The following DKK3 variants were observed in gnomAD, a reference collection of about 807,000 sequenced individuals.
DKK3 encodes dickkopf-related protein 3.
Under a neutral mutation model 33.2 loss-of-function variants are expected in DKK3, and 22 were observed. The ratio of observed to expected loss-of-function variants is 0.66; its 90% CI spans 0.47 to 0.95. The LOEUF (loss-of-function observed/expected upper bound fraction) is 0.95. DKK3 is among the 40% of genes least tolerant of loss of function. The probability of loss-of-function intolerance (pLI) is 0.00; values close to 1 mark genes in which losing one functional copy is unlikely to be tolerated. For missense variants in DKK3, 398 were observed against 458.4 expected, an observed-to-expected ratio of 0.87 and a Z score of 1.20; for synonymous variants, 194 against 188.8, an observed-to-expected ratio of 1.03 and a Z score of -0.23.
Position 12,002,340 on chromosome 11 carries a change from A to G in DKK3, c.311T>C (p.Val104Ala). ...YHNETNTDTK[V>A]GNNTIHVHRE... ...GTGCACATGGATGGTATTATTTCCA[A>G]CCTTCGTGTCTGTGTTGGTCTCATT... is the stretch of plus-strand genomic sequence containing the variant. The change falls in exon 2 of 7, where the codon GTT becomes GCT. Residue 104 changes from valine (V) to alanine (A), a missense_variant. Val to Ala is a moderately conservative substitution (Grantham distance 64, BLOSUM62 0). Transcript: ENST00000683431. 1 of 1,613,832 alleles carries G rather than the reference A, an allele frequency of 6.2e-7. No individual in the cohort carries two copies. Among genetic ancestry groups the G allele is most frequent in the South Asian group, 1.1e-5 (1 of 91,040 alleles).
At chr11:12,006,127 C>T (rs970529177) in intron 1 of DKK3, among the ~76,000 whole-genome samples, 4 of 152,176 alleles carry the variant, frequency 2.6e-5, no homozygotes, top group Non-Finnish European at 5.9e-5. Context: ...AGGCAGTCAG[C>T]GGATGGCCTG....
At chr11:11,991,525 G>A (rs1848187428) in intron 3 of DKK3, among the ~76,000 whole-genome samples, 1 of 152,050 alleles carries the variant, frequency 6.6e-6, no homozygotes, top group Admixed American at 6.5e-5. Context: ...TTCAAAACCA[G>A]CTTGGGCAAT....
intron 3 of DKK3, among the ~76,000 whole-genome samples, chr11:11,995,776 C>A (rs1848280273): frequency 6.6e-6 from 1 of 152,370 alleles, no homozygotes; most frequent in East Asian, 1.9e-4. Context: ...GGGCAGGCGG[C>A]AAGTGCAGCA....
chr11:11,965,914 T>C lies in DKK3; in HGVS notation c.725A>G (p.His242Arg), dbSNP rs1294949537. 5.0e-6 allele frequency: 8 copies of C among 1,613,986 alleles called. No individual in the cohort carries two copies. Among genetic ancestry groups the C allele is most frequent in the Non-Finnish European group, 6.8e-6 (8 of 1,180,006 alleles). Reference protein sequence around the residue: ...TPLPVEGELCHDPASRLLDLI... With the variant: ...TPLPVEGELCRDPASRLLDLI... The stretch of plus-strand genomic sequence containing the variant: ...GTCCAGAAGCCGGCTGGCGGGGTCA[T>C]GGCAAAGCTCGCCCTCCACGGGCAG... Residue 242 changes from histidine to arginine, a missense_variant, in exon 6 of 7, where the codon CAT becomes CGT. By Grantham distance (29) the His-to-Arg change is conservative. Coordinates refer to ENST00000683431, the MANE Select transcript of DKK3 (RefSeq NM_001018057.2).
intron 3 of DKK3, among the ~76,000 whole-genome samples, chr11:11,975,730 A>G (rs926390197): frequency 1.3e-5 from 2 of 152,110 alleles, no homozygotes; most frequent in African/African-American, 4.8e-5. Context: ...GGGAGAGTCC[A>G]GGCACAGTTC....
Position 11,998,685 on chromosome 11 carries a change from T to G in DKK3, c.435+11A>C, listed in dbSNP as rs1564923053. 1.2e-6 allele frequency: 2 copies of G among 1,612,166 alleles called. No homozygotes were observed. Among genetic ancestry groups the G allele is most frequent in the Admixed American group, 1.7e-5 (1 of 59,998 alleles). Reference sequence around the variant, plus strand: ...TGTCGGGGTGCAAGTACAGGGGAAATGACAACTTACGTGGCTCCTTCTGCC... The same window carrying G: ...TGTCGGGGTGCAAGTACAGGGGAAAGGACAACTTACGTGGCTCCTTCTGCC... On this transcript the variant is annotated intron_variant, in intron 3 of 6. Transcript: ENST00000683431.
intron 3 of DKK3, among the ~76,000 whole-genome samples, chr11:11,997,464 C>G (rs2135094601): frequency 6.6e-6 from 1 of 152,324 alleles, no homozygotes; most frequent in South Asian, 2.1e-4. Flanking sequence ...TGGAAGCTGG[C>G]CTCTCTTCCA....
intron 3 of DKK3, among the ~76,000 whole-genome samples, chr11:11,975,897 C>A (rs527644832): frequency 2.6e-5 from 4 of 152,328 alleles, no homozygotes; most frequent in African/African-American, 7.2e-5. Flanking sequence ...TTCTAATACA[C>A]GTTCACTTAC....
intron 3 of DKK3, among the ~76,000 whole-genome samples, chr11:11,989,485 T>C (rs1848143147): frequency 1.3e-5 from 2 of 152,236 alleles, no homozygotes; most frequent in South Asian, 4.1e-4. Context: ...AATTCACCAG[T>C]CACAAAAATA....
At chr11:12,002,572 T>C in intron 1 of DKK3, 135 bp from the exon 2 acceptor site, 1 of 902,274 alleles carries the variant, frequency 1.1e-6, no homozygotes, top group Non-Finnish European at 1.7e-6. Flanking sequence ...ATTAATTGAG[T>C]ACTCACTATG....
At chr11:11,990,734 T>C (rs1848170407) in intron 3 of DKK3, among the ~76,000 whole-genome samples, 1 of 152,216 alleles carries the variant, frequency 6.6e-6, no homozygotes, top group Admixed American at 6.5e-5. Flanking sequence ...TTGTTTAGCG[T>C]TCCTCCAACA....
chr11:11,969,908 G>T (rs74800189), intron 3 of DKK3, among the ~76,000 whole-genome samples: 3,852 of 152,284 alleles, frequency 0.025, 146 homozygotes, highest in African/African-American at 0.088. Context: ...CTGTTTTTAC[G>T]GATAAGAAAA....
chr11:12,008,712 T>C (rs1298002684), upstream of DKK3: 19 of 1,208,336 alleles, frequency 1.6e-5, no homozygotes, highest in African/African-American at 1.3e-4. The surrounding 1 kb of genome is among the most constrained non-coding windows in gnomAD (Gnocchi z 4.6). Flanking sequence ...CGCCCCTCTT[T>C]CCCGCACCCG....
intron 1 of DKK3, among the ~76,000 whole-genome samples, chr11:12,007,459 G>A (rs1430696374): frequency 2.2e-4 from 34 of 152,202 alleles, no homozygotes; most frequent in Admixed American, 2.2e-3. Context: ...AGAGGGCTGG[G>A]CCAGTGACAT....
intron 3 of DKK3, among the ~76,000 whole-genome samples, chr11:11,996,911 G>A (rs950421865): frequency 6.6e-6 from 1 of 152,210 alleles, no homozygotes; most frequent in African/African-American, 2.4e-5. Flanking sequence ...AGTACACAGG[G>A]GCACACAAGG....
intron 3 of DKK3, among the ~76,000 whole-genome samples, chr11:11,982,787 C>A (rs1450958013): frequency 2.0e-5 from 3 of 152,240 alleles, no homozygotes; most frequent in Admixed American, 6.5e-5. Flanking sequence ...GAGCTTGTAT[C>A]TCTTCCCTCA....
chr11:12,006,423 G>A (rs1198445309), intron 1 of DKK3, among the ~76,000 whole-genome samples: 1 of 152,244 alleles, frequency 6.6e-6, no homozygotes, highest in African/African-American at 2.4e-5. Flanking sequence ...GCCACTGCCA[G>A]TAAGTGGCAG....
At chr11:11,987,343 A>G (rs1848091420) in intron 3 of DKK3, among the ~76,000 whole-genome samples, 1 of 152,222 alleles carries the variant, frequency 6.6e-6, no homozygotes, top group Non-Finnish European at 1.5e-5. Flanking sequence ...CATGTCCACC[A>G]TGCACTAAAA....
At chr11:12,009,225 G>C, upstream of DKK3, 1 of 984,798 alleles carries the variant, frequency 1.0e-6, no homozygotes, top group Non-Finnish European at 1.2e-6. Context: ...CGCTCCCGCC[G>C]GGAGGCCGCC....
Sources: allele counts gnomAD v4.1 joint callset (sites outside exome capture counted in the v4.1 genomes callset), GRCh38; gene constraint gnomAD v4.1.1; non-coding constraint Gnocchi (gnomAD v3.1); transcripts MANE v1.5; gene names NCBI Gene and HGNC (gene_info 2026-07-23, HGNC 2026-07-21).